The following CCR3 variants were observed in gnomAD, a reference collection of about 807,000 sequenced individuals.
CCR3 encodes C-C chemokine receptor type 3.
For missense variants in CCR3, 419 were observed against 437.5 expected (o/e 0.96, Z 0.38); for synonymous variants, 203 against 179.2 (o/e 1.13, Z -1.06).
At position 46,256,217 on chromosome 3, in the gene CCR3, A is replaced by G. The variant is rs534926987; in HGVS notation, c.-11-8931A>G. ...TAGCAGATTGGTTTAATTTCACTGA[A>G]TCATGCTGACAATGACATAAACTTT... is the stretch of plus-strand genomic sequence containing the variant. On this transcript the variant is annotated intron_variant, in intron 1 of 1. Coordinates refer to ENST00000395940, the MANE Select transcript of CCR3 (RefSeq NM_178329.3). Among the ~76,000 whole-genome samples, 4 of 152,244 alleles carry G rather than the reference A, an allele frequency of 2.6e-5. No individual in the cohort carries two copies. In the South Asian group the frequency reaches 8.3e-4, roughly 32 times the overall value.
chr3:46,249,658 A>G (rs901410734), intron 1 of CCR3, among the ~76,000 whole-genome samples: 19 of 152,262 alleles, frequency 1.2e-4, no homozygotes, highest in Admixed American at 4.6e-4. Context: ...GGTGAGTTGA[A>G]CAGTCTGATT....
At chr3:46,227,772 T>C (rs146284011) in intron 2 of CCR3, among the ~76,000 whole-genome samples, 1 of 152,346 alleles carries the variant, frequency 6.6e-6, no homozygotes, top group East Asian at 1.9e-4. Context: ...AGACTTCCTC[T>C]TTGACCCATA....
chr3:46,256,173 T>C (rs1700420367), intron 1 of CCR3, among the ~76,000 whole-genome samples: 1 of 152,188 alleles, frequency 6.6e-6, no homozygotes, highest in African/African-American at 2.4e-5. Context: ...AACAAGAACA[T>C]TTAAAGCTGA....
chr3:46,253,648 T>C (rs1700361199), intron 1 of CCR3, among the ~76,000 whole-genome samples: 1 of 147,934 alleles, frequency 6.8e-6, no homozygotes, highest in Non-Finnish European at 1.5e-5. Flanking sequence ...GCAGGAAGTT[T>C]CTTTATTAAC....
intron 2 of CCR3, among the ~76,000 whole-genome samples, chr3:46,216,541 A>C (rs1699777781): frequency 6.6e-6 from 1 of 152,258 alleles, no homozygotes; most frequent in African/African-American, 2.4e-5. Flanking sequence ...GCACCTAGTC[A>C]TCAAGTTACC....
rs558711648 is a variant in CCR3, at chr3:46,254,991, G to C, written c.-11-10157G>C. Among the ~76,000 whole-genome samples the C allele has an allele frequency of 4.2e-4, 64 of 152,166 alleles. 1 individual carries two copies. The highest frequency in any genetic ancestry group is 1.5e-3 in the African/African-American group (63 of 41,538). On this transcript the variant is annotated intron_variant, in intron 1 of 1. Transcript: ENST00000395940. The stretch of plus-strand genomic sequence containing the variant: ...AGGAATCACCACATTGTTTTCCATA[G>C]GGGTTGTACTAGTTTACATACCCAT...
intron 1 of CCR3, among the ~76,000 whole-genome samples, chr3:46,257,989 G>C (rs906330251): frequency 1.3e-5 from 2 of 152,208 alleles, no homozygotes; most frequent in African/African-American, 4.8e-5. Flanking sequence ...GTCTGTTCCA[G>C]CTCTCAAAGA....
intron 2 of CCR3, among the ~76,000 whole-genome samples, chr3:46,233,367 G>A (rs114577683): frequency 3.7e-4 from 56 of 152,308 alleles, no homozygotes; most frequent in Non-Finnish European, 6.0e-4. Flanking sequence ...ACTTCTCCCT[G>A]CTGCTCTGGC....
intron 1 of CCR3, among the ~76,000 whole-genome samples, chr3:46,248,464 G>T (rs1270359975): frequency 6.6e-6 from 1 of 152,198 alleles, no homozygotes; most frequent in Non-Finnish European, 1.5e-5. Flanking sequence ...ACAGGGTGCA[G>T]TCCTGGCTCT....
intron 2 of CCR3, among the ~76,000 whole-genome samples, chr3:46,228,250 C>G (rs1227096092): frequency 6.6e-6 from 1 of 151,726 alleles, no homozygotes; most frequent in African/African-American, 2.4e-5. Context: ...TTACATTGTA[C>G]GCACACCCCC....
chr3:46,231,876 T>C (rs1352509491), intron 2 of CCR3, among the ~76,000 whole-genome samples: 3 of 152,340 alleles, frequency 2.0e-5, no homozygotes, highest in South Asian at 4.1e-4. Flanking sequence ...ATCCCATCTC[T>C]TTCCCTGCCC....
intron 2 of CCR3, among the ~76,000 whole-genome samples, chr3:46,236,286 C>G (rs549456916): frequency 6.6e-6 from 1 of 152,238 alleles, no homozygotes; most frequent in Non-Finnish European, 1.5e-5. Context: ...GACCTTGTGC[C>G]CCTCATGATA....
At chr3:46,215,363 T>TG (rs2125922539) in intron 2 of CCR3, among the ~76,000 whole-genome samples, 2 of 152,252 alleles carry the variant, frequency 1.3e-5, no homozygotes, top group African/African-American at 4.8e-5. Flanking sequence ...GGGAGCTTGG[T>TG]GGAAATGAAG....
intron 2 of CCR3, among the ~76,000 whole-genome samples, chr3:46,221,306 A>T (rs1699834459): frequency 6.6e-6 from 1 of 152,246 alleles, no homozygotes; most frequent in African/African-American, 2.4e-5. Flanking sequence ...CATTTCTTTC[A>T]TCTTAAGTCT....
At chr3:46,262,855 A>G (rs2125935748) in intron 1 of CCR3, among the ~76,000 whole-genome samples, 2 of 152,208 alleles carry the variant, frequency 1.3e-5, no homozygotes, top group East Asian at 1.9e-4. Flanking sequence ...GGATCTCACT[A>G]TATTGTCCAG....
At chr3:46,250,216 G>C (rs574929298) in intron 1 of CCR3, among the ~76,000 whole-genome samples, 1 of 152,284 alleles carries the variant, frequency 6.6e-6, no homozygotes, top group Admixed American at 6.5e-5. Context: ...GGCAGGTGGG[G>C]AAGGGCTAGT....
chr3:46,264,136 T>G (rs770445674), intron 1 of CCR3: 4 of 414,970 alleles, frequency 9.6e-6, no homozygotes, highest in African/African-American at 2.1e-5. Context: ...GCACTGGCCT[T>G]AGGGCTCCTG....
intron 2 of CCR3, among the ~76,000 whole-genome samples, chr3:46,231,072 A>T (rs553429373): frequency 1.3e-5 from 2 of 152,024 alleles, no homozygotes; most frequent in South Asian, 4.2e-4. Flanking sequence ...TTACAGGCAC[A>T]CACCATCACA....
intron 2 of CCR3, among the ~76,000 whole-genome samples, chr3:46,233,395 T>C (rs10510750): frequency 0.059 from 8,932 of 152,316 alleles, 396 homozygotes; most frequent in South Asian, 0.19. Flanking sequence ...TCCGTTCACA[T>C]GCTCAAGGTT....
Sources: allele counts gnomAD v4.1 joint callset (sites outside exome capture counted in the v4.1 genomes callset), GRCh38; gene constraint gnomAD v4.1.1; transcripts MANE v1.5; gene names NCBI Gene and HGNC (gene_info 2026-07-23, HGNC 2026-07-21).